RRP12: variants seen among roughly 807,000 people sequenced by gnomAD.
The protein encoded by RRP12 is ribosomal RNA processing 12 homolog.
In RRP12, 78 loss-of-function variants were observed where a neutral mutation model predicts 157.3. That is an observed-to-expected ratio of 0.50 (90% CI 0.41 to 0.60). The LOEUF is 0.60. Ranked by LOEUF, RRP12 falls within the 20% of genes least tolerant of loss-of-function variation. RRP12 has a pLI of 0.00. For missense variants in RRP12, 1,521 were observed against 1,679.9 expected (o/e 0.91, Z 1.65); for synonymous variants, 726 against 670.9 (o/e 1.08, Z -1.27).
chr10:97,380,343 T>G (rs1844431905), intron 13 of RRP12, among the ~76,000 whole-genome samples: 1 of 152,172 alleles, frequency 6.6e-6, no homozygotes, highest in South Asian at 2.1e-4. Context: ...GGGGCTGTCC[T>G]CAGGCCCCCA....
intron 1 of RRP12, among the ~76,000 whole-genome samples, chr10:97,400,820 G>A (rs1845124332): frequency 6.6e-6 from 1 of 152,036 alleles, no homozygotes; most frequent in African/African-American, 2.4e-5. Flanking sequence ...GAAGGTGAAC[G>A]CGCTCTGTAA....
chr10:97,362,967 T>C (rs1389271772), intron 30 of RRP12, among the ~76,000 whole-genome samples: 1 of 152,172 alleles, frequency 6.6e-6, no homozygotes, highest in African/African-American at 2.4e-5. Flanking sequence ...ACGCCCAATC[T>C]TACCAAACTG....
Position 97,388,486 on chromosome 10 carries a change from C to T in RRP12, c.889+3G>A. On this transcript the variant is annotated splice_donor_region_variant and intron_variant, in intron 7 of 33. Coordinates refer to ENST00000370992, the MANE Select transcript of RRP12 (RefSeq NM_015179.4). ...CCACCTGCCCTCCATTTGGGTTCCC[C>T]ACCTCCAGACTTCTCAATCTCCTGG... 1.9e-6 allele frequency: 3 copies of T among 1,614,086 alleles called. No homozygotes were observed. The highest frequency in any genetic ancestry group is 2.5e-6 in the Non-Finnish European group (3 of 1,179,944).
chr10:97,385,333 T>C (rs78355705), intron 9 of RRP12, 76 bp from the exon 10 acceptor site: 12,703 of 1,141,074 alleles, frequency 0.011, 92 homozygotes, highest in Non-Finnish European at 0.015. Context: ...CTTCCCATCC[T>C]GGCACCAGCA....
intron 10 of RRP12, among the ~76,000 whole-genome samples, chr10:97,384,427 G>C (rs1488477581): frequency 3.4e-5 from 5 of 144,960 alleles, no homozygotes; most frequent in African/African-American, 1.3e-4. Flanking sequence ...AGCCAGGATG[G>C]TAGCCCTGAG....
At chr10:97,369,708 G>A (rs926508442) in intron 24 of RRP12, 126 bp from the exon 25 acceptor site, 38 of 1,025,220 alleles carry the variant, frequency 3.7e-5, no homozygotes, top group Middle Eastern at 2.1e-4. Flanking sequence ...CCGTATGCCC[G>A]GGATGGTTCC....
intron 4 of RRP12, among the ~76,000 whole-genome samples, chr10:97,391,184 G>A (rs1844793415): frequency 6.6e-6 from 1 of 152,162 alleles, no homozygotes; most frequent in Non-Finnish European, 1.5e-5. Flanking sequence ...CCTTCTGGGG[G>A]CCAACACTCA....
rs1218394632 is a variant in RRP12, at chr10:97,358,063, G to A, written c.3791+474C>T. On this transcript the variant is annotated intron_variant, in intron 33 of 33. Coordinates refer to ENST00000370992, the MANE Select transcript of RRP12 (RefSeq NM_015179.4). ...AAAGAAGCAGTTCAGGGCGGGGCAC[G>A]GTGGCTCGTGCTTGTGATCCCAGCA... 9.9e-5 allele frequency among the ~76,000 whole-genome samples: 15 copies of A among 152,154 alleles called. No individual in the cohort carries two copies. In the South Asian group the frequency reaches 2.9e-3, roughly 29 times the overall value.
chr10:97,357,705 T>C (rs773313452), intron 33 of RRP12, among the ~76,000 whole-genome samples: 5 of 152,144 alleles, frequency 3.3e-5, no homozygotes, highest in Non-Finnish European at 5.9e-5. Context: ...ATGCCTGTAA[T>C]CCCAGCACTT....
chr10:97,377,845 A>C (rs1307883904), intron 15 of RRP12, among the ~76,000 whole-genome samples: 3 of 140,526 alleles, frequency 2.1e-5, no homozygotes, highest in Admixed American at 1.4e-4. Flanking sequence ...ACTTCATCTC[A>C]AAAAAAAAAA....
In RRP12 at chr10:97,388,414, C is replaced by T. The variant is rs374634109; in HGVS notation, c.890-35G>A. The stretch of plus-strand genomic sequence containing the variant: ...AGAAGAGGAATTGAGACACCAGCCC[C>T]GCCCTACCGCAGGCCCTGTCCTGCT... On this transcript the variant is annotated intron_variant, in intron 7 of 33. Transcript: ENST00000370992. The T allele has an allele frequency of 2.3e-5, 37 of 1,613,112 alleles. 1 individual carries two copies. The African/African-American group carries it at 3.5e-4, about 15-fold the overall frequency.
At chr10:97,360,090 G>A (rs1252209968) in intron 31 of RRP12, among the ~76,000 whole-genome samples, 1 of 152,218 alleles carries the variant, frequency 6.6e-6, no homozygotes, top group Non-Finnish European at 1.5e-5. Context: ...AACAGCTGGT[G>A]GGCCCAGAGA....
Position 97,390,471 on chromosome 10 carries a change from A to G in RRP12, c.705T>C (p.Leu235=), listed in dbSNP as rs554484592. The change falls in exon 6 of 34, where the codon CTT becomes CTC. Residue 235 remains leucine, a synonymous_variant. Coordinates refer to ENST00000370992, the MANE Select transcript of RRP12 (RefSeq NM_015179.4). Reference sequence around the variant, plus strand: ...AGCTCAGCAGCCCATGGTACACCTGAAGGGTCACGGGGTAGCCCCAGGCCT... The same window carrying G: ...AGCTCAGCAGCCCATGGTACACCTGGAGGGTCACGGGGTAGCCCCAGGCCT... The part of the protein sequence containing the change: ...DLEAWGYPVT[L]QVYHGLLSFT... 9 of 1,614,116 alleles carry G rather than the reference A, an allele frequency of 5.6e-6. No individual in the cohort carries two copies. In the South Asian group the frequency reaches 6.6e-5, roughly 12 times the overall value.
chr10:97,379,918 G>A (rs750404865), intron 13 of RRP12, 148 bp from the exon 14 acceptor site: 46 of 642,804 alleles, frequency 7.2e-5, no homozygotes, highest in Non-Finnish European at 1.1e-4. Flanking sequence ...TTAACCACTG[G>A]TGACTGTAAA....
chr10:97,384,908 C>T (rs1326777513), intron 10 of RRP12, among the ~76,000 whole-genome samples: 1 of 146,570 alleles, frequency 6.8e-6, no homozygotes, highest in African/African-American at 2.5e-5. Flanking sequence ...GCAGCCTGGA[C>T]ACAGGCCCTA....
chr10:97,397,281 C>G (rs964900928), intron 2 of RRP12, among the ~76,000 whole-genome samples: 1 of 152,054 alleles, frequency 6.6e-6, no homozygotes, highest in Non-Finnish European at 1.5e-5. Flanking sequence ...CTGCCTCAGC[C>G]TCCTGAGTAG....
intron 17 of RRP12, 38 bp downstream of exon 17, chr10:97,373,537 C>A: frequency 6.4e-7 from 1 of 1,550,688 alleles, no homozygotes; most frequent in South Asian, 1.2e-5. Context: ...GGACCTGTGT[C>A]ATCCTCCCCA....
chr10:97,388,795 G>C (rs374091352), intron 6 of RRP12, among the ~76,000 whole-genome samples, 171 bp from the exon 7 acceptor site: 2 of 152,228 alleles, frequency 1.3e-5, no homozygotes, highest in East Asian at 3.8e-4. Context: ...AGAATCCTGA[G>C]CTGTGAAGCA....
At chr10:97,397,099 TA>T (rs1297948327) in intron 2 of RRP12, among the ~76,000 whole-genome samples, 1 of 152,134 alleles carries the variant, frequency 6.6e-6, no homozygotes, top group Non-Finnish European at 1.5e-5. Flanking sequence ...AGATTACTGG[TA>T]ACACCTAACA....
Sources: gnomAD v4.1 joint callset for allele counts (sites outside exome capture counted in the v4.1 genomes callset) on GRCh38, gnomAD v4.1.1 for gene constraint, MANE v1.5 for transcripts, NCBI Gene and HGNC (gene_info 2026-07-23, HGNC 2026-07-21) for gene names.